CNTN3: variants seen among roughly 807,000 people sequenced by gnomAD.
The protein encoded by CNTN3 is contactin-3.
In CNTN3, 60 loss-of-function variants were observed where a neutral mutation model predicts 119.1. The observed-to-expected ratio is 0.50, with a 90% CI of 0.41 to 0.62. The LOEUF (loss-of-function observed/expected upper bound fraction) is 0.62, where lower values mean the gene tolerates loss of function less well. Ranked by LOEUF, CNTN3 falls within the 20% of genes least tolerant of loss-of-function variation. CNTN3 has a pLI of 0.00. For missense variants in CNTN3, 1,101 were observed against 1,242.4 expected (o/e 0.89, Z 1.71); for synonymous variants, 450 against 438.7 (o/e 1.03, Z -0.32).
At chr3:74,506,647 A>AT (rs1703265021) in intron 2 of CNTN3, among the ~76,000 whole-genome samples, 1 of 151,688 alleles carries the variant, frequency 6.6e-6, no homozygotes, top group Non-Finnish European at 1.5e-5. Flanking sequence ...ACCCCACATG[A>AT]TTAAAAAAAA....
chr3:74,489,193 C>T (rs1702916126), intron 3 of CNTN3, among the ~76,000 whole-genome samples: 1 of 152,058 alleles, frequency 6.6e-6, no homozygotes, highest in African/African-American at 2.4e-5. Context: ...AATCTATGGC[C>T]CTAAACCATA....
At chr3:74,410,287 T>TA (rs375010328) in intron 5 of CNTN3, among the ~76,000 whole-genome samples, 92 of 152,026 alleles carry the variant, frequency 6.1e-4, no homozygotes, top group Middle Eastern at 6.8e-3. Flanking sequence ...GCTATGAAAA[T>TA]AAAAAAATAA....
At position 74,457,590 on chromosome 3, in the gene CNTN3, T is replaced by C. The variant is rs114334538; in HGVS notation, c.358+28866A>G. 7.6e-3 allele frequency among the ~76,000 whole-genome samples: 1,086 copies of C among 142,032 alleles called. 14 individuals are homozygous for C. The highest frequency in any genetic ancestry group is 0.027 in the African/African-American group (1,042 of 38,570). The allele number at this position is 142,032 out of a possible 152,430, so 93.2% of individuals were successfully genotyped here. ...AGAGGAGACGCTATGGAGTCATTTCTACTACACTTTCAAAATAAACCAGTG... is the reference window on the plus strand; with the variant it reads ...AGAGGAGACGCTATGGAGTCATTTCCACTACACTTTCAAAATAAACCAGTG... On this transcript the variant is annotated intron_variant, in intron 4 of 22. Transcript: ENST00000263665.
chr3:74,603,514 T>C lies in CNTN3; in HGVS notation c.-81+10877A>G, dbSNP rs549945188. Among the ~76,000 whole-genome samples, 6 of 152,270 alleles carry C rather than the reference T, an allele frequency of 3.9e-5. 1 individual carries two copies. In the South Asian group the frequency reaches 1.2e-3, roughly 32 times the overall value. ...ACAGCTCTCATGCAACGCAGATGAATAATGCTTGCTAGAAGCCACTGAGAT... is the reference window on the plus strand; with the variant it reads ...ACAGCTCTCATGCAACGCAGATGAACAATGCTTGCTAGAAGCCACTGAGAT... On this transcript the variant is annotated intron_variant, in intron 1 of 22. Transcript: ENST00000263665.
chr3:74,589,967 G>C (rs1284872470), intron 1 of CNTN3, among the ~76,000 whole-genome samples: 1 of 129,088 alleles, frequency 7.7e-6, no homozygotes, highest in East Asian at 2.8e-4. Flanking sequence ...TGGGGTGGGG[G>C]GGAGGGGGGA....
rs997774879 is a variant in CNTN3, at chr3:74,428,560, A to G, written c.359-3620T>C. On this transcript the variant is annotated intron_variant, in intron 4 of 22. Coordinates refer to ENST00000263665, the MANE Select transcript of CNTN3 (RefSeq NM_020872.3). ...AGAAAATAGTTTAGTAAAGCTCCAC[A>G]ATGTGTGTTTTAAGCTAAGTGTTAT... Among the ~76,000 whole-genome samples, 7 of 152,226 alleles carry G rather than the reference A, an allele frequency of 4.6e-5. No homozygotes were observed. The East Asian group carries it at 7.7e-4, about 17-fold the overall frequency.
intron 9 of CNTN3, among the ~76,000 whole-genome samples, 178 bp downstream of exon 9, chr3:74,365,388 C>G (rs1165105136): frequency 2.6e-5 from 4 of 152,106 alleles, no homozygotes; most frequent in Admixed American, 6.6e-5. Context: ...CACTGGCAGA[C>G]TGGGTACTTG....
intron 1 of CNTN3, among the ~76,000 whole-genome samples, chr3:74,593,885 C>T (rs969220619): frequency 1.3e-5 from 2 of 151,894 alleles, no homozygotes; most frequent in Non-Finnish European, 2.9e-5. Flanking sequence ...CCAATACTCT[C>T]CCACCTCTGG....
chr3:74,493,825 A>G (rs1241164926), intron 3 of CNTN3, among the ~76,000 whole-genome samples: 1 of 152,164 alleles, frequency 6.6e-6, no homozygotes. Flanking sequence ...CTTCAGCAAT[A>G]ATTGCTAAAG....
In CNTN3 at chr3:74,425,442, T is replaced by C. The variant is rs72900308; in HGVS notation, c.359-502A>G. On this transcript the variant is annotated intron_variant, in intron 4 of 22. Coordinates refer to ENST00000263665, the MANE Select transcript of CNTN3 (RefSeq NM_020872.3). ...GGTAGAAAAGCTGGATTCTGATTTC[T>C]TTATTAAAGCTTCTAGAAATTCAGC... Among the ~76,000 whole-genome samples, 357 of 152,342 alleles carry C rather than the reference T, an allele frequency of 2.3e-3. 2 individuals carry two copies. The highest frequency in any genetic ancestry group is 8.4e-3 in the African/African-American group (348 of 41,580).
intron 1 of CNTN3, among the ~76,000 whole-genome samples, chr3:74,605,590 G>A (rs1415623201): frequency 6.6e-6 from 1 of 152,126 alleles, no homozygotes; most frequent in African/African-American, 2.4e-5. Flanking sequence ...AGTAACATAA[G>A]TCATCTGATA....
At chr3:74,381,356 T>C (rs898895370) in intron 5 of CNTN3, among the ~76,000 whole-genome samples, 1 of 152,116 alleles carries the variant, frequency 6.6e-6, no homozygotes, top group African/African-American at 2.4e-5. Flanking sequence ...TGAAAGGATA[T>C]GCAATTATGT....
intron 1 of CNTN3, among the ~76,000 whole-genome samples, chr3:74,587,673 G>A (rs530481462): frequency 6.6e-6 from 1 of 152,078 alleles, no homozygotes; most frequent in South Asian, 2.1e-4. Context: ...AAAACTCCAG[G>A]ACTTCTTAAG....
At chr3:74,465,135 A>G (rs1311643491) in intron 4 of CNTN3, among the ~76,000 whole-genome samples, 7 of 152,212 alleles carry the variant, frequency 4.6e-5, no homozygotes, top group African/African-American at 1.4e-4. Context: ...CCTTCTGACA[A>G]TGTCAGTTTC....
At chr3:74,285,790 G>GATATGT (rs1702099889) in intron 19 of CNTN3, among the ~76,000 whole-genome samples, 19 of 56,544 alleles carry the variant, frequency 3.4e-4, no homozygotes, top group South Asian at 3.3e-3. Context: ...ATGAAGGGGA[G>GATATGT]ATATATATAT....
At chr3:74,594,928 T>G (rs1424725576) in intron 1 of CNTN3, among the ~76,000 whole-genome samples, 1 of 152,088 alleles carries the variant, frequency 6.6e-6, no homozygotes. Context: ...GTCAAAGTGT[T>G]CCTATTTCTC....
At chr3:74,472,558 T>C (rs967567626) in intron 4 of CNTN3, among the ~76,000 whole-genome samples, 5 of 152,204 alleles carry the variant, frequency 3.3e-5, no homozygotes, top group African/African-American at 1.2e-4. Flanking sequence ...GTTTCATTTA[T>C]ATGGAAAGAC....
chr3:74,297,394 AC>A (rs753607871), intron 18 of CNTN3, among the ~76,000 whole-genome samples: 4 of 151,750 alleles, frequency 2.6e-5, no homozygotes, highest in East Asian at 1.9e-4. Flanking sequence ...GAAAAAAAAA[AC>A]AAAACACGGG....
chr3:74,389,044 T>C (rs1055551307), intron 5 of CNTN3, among the ~76,000 whole-genome samples: 3 of 152,206 alleles, frequency 2.0e-5, no homozygotes, highest in Non-Finnish European at 2.9e-5. Flanking sequence ...CAACCAACTT[T>C]GTGTGCAAGT....
Sources: gnomAD v4.1 joint callset for allele counts (sites outside exome capture counted in the v4.1 genomes callset) on GRCh38, gnomAD v4.1.1 for gene constraint, MANE v1.5 for transcripts, NCBI Gene and HGNC (gene_info 2026-07-23, HGNC 2026-07-21) for gene names.